The following SPAG17 variants were observed in gnomAD, a reference collection of about 807,000 sequenced individuals.
SPAG17 encodes the protein sperm associated antigen 17, also known as sperm-associated antigen 17.
Under a neutral mutation model 273.6 loss-of-function variants are expected in SPAG17, and 169 were observed. The ratio of observed to expected loss-of-function variants is 0.62; its 90% CI spans 0.55 to 0.70. The LOEUF (loss-of-function observed/expected upper bound fraction) is 0.70, where lower values mean the gene tolerates loss of function less well. SPAG17 is among the 30% of genes least tolerant of loss of function. The pLI is 0.00. For synonymous variants in SPAG17, 825 were observed against 873.2 expected, an observed-to-expected ratio of 0.94 and a Z score of 0.97; for missense variants, 2,557 against 2,627.8, an observed-to-expected ratio of 0.97 and a Z score of 0.59.
At chr1:117,997,122 G>A (rs17037786) in intron 32 of SPAG17, among the ~76,000 whole-genome samples, 9,954 of 152,090 alleles carry the variant, frequency 0.065, 525 homozygotes, top group East Asian at 0.31. Flanking sequence ...GAATGGAAGG[G>A]GCTTATAATC....
chr1:118,108,704 CTT>C (rs560213815), intron 4 of SPAG17, among the ~76,000 whole-genome samples: 42 of 143,570 alleles, frequency 2.9e-4, no homozygotes, highest in Admixed American at 4.9e-4. Context: ...CCACAGATTA[CTT>C]TTTTTTTTTT....
chr1:118,028,970 CTGGGCATGGTGGTG>C, intron 25 of SPAG17, among the ~76,000 whole-genome samples: 1 of 152,310 alleles, frequency 6.6e-6, no homozygotes, highest in East Asian at 1.9e-4. Context: ...TGAGGAATAG[CTGGGCATGGTGGTG>C]TGTGGTTGCA....
At position 118,085,525 on chromosome 1, in the gene SPAG17, C is replaced by T. The variant is rs920850199; in HGVS notation, c.1762+397G>A. 1.3e-4 allele frequency among the ~76,000 whole-genome samples: 20 copies of T among 152,116 alleles called. No individual in the cohort carries two copies. The Middle Eastern group carries it at 0.01, about 78-fold the overall frequency. The stretch of plus-strand genomic sequence containing the variant: ...ATATGCGTGCATGCGTGCGTGCATA[C>T]GCGTGCGCGCGCGCACACACACACA... On this transcript the variant is annotated intron_variant, in intron 13 of 48. Coordinates refer to ENST00000336338, the MANE Select transcript of SPAG17 (RefSeq NM_206996.4).
chr1:117,960,944 T>A (rs1333442867), intron 48 of SPAG17: 1 of 152,218 alleles, frequency 6.6e-6, no homozygotes, highest in South Asian at 2.1e-4. Flanking sequence ...CATCTGAAAC[T>A]TTTCTCATTG....
chr1:118,144,163 G>A (rs988240322), intron 3 of SPAG17, among the ~76,000 whole-genome samples: 4 of 152,188 alleles, frequency 2.6e-5, no homozygotes, highest in African/African-American at 9.7e-5. Flanking sequence ...AGAACTCCAG[G>A]TTTCTGATCT....
Position 118,091,661 on chromosome 1 carries a change from G to C in SPAG17, c.1304C>G (p.Pro435Arg), listed in dbSNP as rs1655381138. The C allele has an allele frequency of 1.9e-6, 3 of 1,612,974 alleles. No individual in the cohort carries two copies. The East Asian group carries it at 6.7e-5, about 36-fold the overall frequency. Residue 435 changes from proline to arginine, a missense_variant, in exon 10 of 49, where the codon CCA (proline) becomes CGA (arginine). Transcript: ENST00000336338. The part of the protein sequence containing the change: ...DMRYYNYLLN[P>R]IREEFISVPL... ...CACAGAAATGAATTCCTCTCGAATT[G>C]GATTCAGCAAATAATTGTAATATCT...
chr1:117,998,537 G>A (rs755248821), intron 32 of SPAG17, among the ~76,000 whole-genome samples: 3 of 150,810 alleles, frequency 2.0e-5, no homozygotes, highest in Non-Finnish European at 3.0e-5. Flanking sequence ...GGCTATTTGG[G>A]CTCTTTTTTT....
chr1:118,180,486 T>C (rs1189940424), intron 1 of SPAG17, among the ~76,000 whole-genome samples: 1 of 152,048 alleles, frequency 6.6e-6, no homozygotes, highest in African/African-American at 2.4e-5. Flanking sequence ...GGTACAAATA[T>C]AGAGTTTGAT....
chr1:117,959,282 T>C lies in SPAG17; in HGVS notation c.*4517A>G, dbSNP rs765416714. The C allele has an allele frequency of 2.5e-6, 4 of 1,606,198 alleles. No homozygotes were observed. In the East Asian group the frequency reaches 8.9e-5, roughly 36 times the overall value. ...GAAAATTTTTTAATATTTCTTGTAT[T>C]GCACTCCAGGATGTTATCGGCTTCA... On this transcript the variant is annotated intron_variant, in intron 48 of 48. Transcript: ENST00000336338.
At chr1:118,063,453 T>C (rs1261803136) in intron 18 of SPAG17, among the ~76,000 whole-genome samples, 1 of 152,160 alleles carries the variant, frequency 6.6e-6, no homozygotes, top group Non-Finnish European at 1.5e-5. Flanking sequence ...CATCTGATCT[T>C]TGACAAACCT....
chr1:118,109,188 C>CT (rs1656602340), intron 4 of SPAG17, among the ~76,000 whole-genome samples: 1 of 149,800 alleles, frequency 6.7e-6, no homozygotes, highest in African/African-American at 2.5e-5. Flanking sequence ...TGTTGTCAGA[C>CT]TGGAGTGCAG....
intron 1 of SPAG17, among the ~76,000 whole-genome samples, chr1:118,163,456 A>G (rs1431256843): frequency 6.6e-6 from 1 of 150,978 alleles, no homozygotes. Context: ...TCCTTTTTAC[A>G]TTTTCCATCT....
chr1:118,126,170 T>G (rs1215115727), intron 3 of SPAG17, among the ~76,000 whole-genome samples: 1 of 151,320 alleles, frequency 6.6e-6, no homozygotes, highest in Non-Finnish European at 1.5e-5. Flanking sequence ...TTACATGTTC[T>G]CTTTTGAGAA....
intron 20 of SPAG17, among the ~76,000 whole-genome samples, chr1:118,052,128 T>TATA (rs548465565): frequency 0.052 from 7,421 of 142,802 alleles, 393 homozygotes; most frequent in East Asian, 0.28. Flanking sequence ...ATAATACTAT[T>TATA]ATATATAAAC....
chr1:118,056,716 T>G (rs898556009), intron 18 of SPAG17, among the ~76,000 whole-genome samples: 1 of 152,364 alleles, frequency 6.6e-6, no homozygotes, highest in East Asian at 1.9e-4. Context: ...CTCAGGTTGT[T>G]TAATAGTTTT....
chr1:118,125,280 A>T (rs1213870158), intron 3 of SPAG17, among the ~76,000 whole-genome samples: 3 of 151,778 alleles, frequency 2.0e-5, no homozygotes, highest in Non-Finnish European at 4.4e-5. Context: ...TATTTACGGG[A>T]TACAAAGTGA....
intron 17 of SPAG17, among the ~76,000 whole-genome samples, chr1:118,071,467 T>C (rs1406544216): frequency 6.6e-6 from 1 of 151,962 alleles, no homozygotes; most frequent in Admixed American, 6.6e-5. Context: ...CTGGCCAACA[T>C]GGTGAAACCC....
intron 1 of SPAG17, among the ~76,000 whole-genome samples, chr1:118,153,703 G>A (rs1570792103): frequency 6.6e-6 from 1 of 151,970 alleles, no homozygotes; most frequent in African/African-American, 2.4e-5. Flanking sequence ...CAAAAATTTA[G>A]CCGGGTGTGG....
At chr1:118,082,515 A>G (rs1355143834) in intron 13 of SPAG17, among the ~76,000 whole-genome samples, 1 of 152,206 alleles carries the variant, frequency 6.6e-6, no homozygotes, top group East Asian at 1.9e-4. Context: ...GGAAGGAGAG[A>G]TTGCTCATTT....
Sources: allele counts gnomAD v4.1 joint callset (sites outside exome capture counted in the v4.1 genomes callset), GRCh38; gene constraint gnomAD v4.1.1; transcripts MANE v1.5; gene names NCBI Gene and HGNC (gene_info 2026-07-23, HGNC 2026-07-21).